Variants in DNAH5 observed in about 807,000 individuals in gnomAD.
DNAH5 encodes the protein dynein axonemal heavy chain 5.
Under a neutral mutation model 518.2 loss-of-function variants are expected in DNAH5, and 372 were observed. The ratio of observed to expected loss-of-function variants is 0.72; its 90% confidence interval spans 0.66 to 0.78. The LOEUF (loss-of-function observed/expected upper bound fraction) is 0.78, where lower values mean the gene tolerates loss of function less well. Ranked by LOEUF, DNAH5 falls within the 30% of genes least tolerant of loss-of-function variation. The pLI is 0.00. For missense variants in DNAH5, 5,523 were observed against 5,687.0 expected (o/e 0.97, Z 0.93); for synonymous variants, 2,039 against 2,025.9 (o/e 1.01, Z -0.17).
chr5:13,885,634 A>G (rs1268632381), intron 18 of DNAH5, among the ~76,000 whole-genome samples: 7 of 152,190 alleles, frequency 4.6e-5, no homozygotes, highest in Non-Finnish European at 1.0e-4. Context: ...CGCTCAGTCT[A>G]GAGGCTCTCC....
At chr5:14,010,523 TAAC>T (rs1785039321) in intron 1 of DNAH5, among the ~76,000 whole-genome samples, 1 of 152,268 alleles carries the variant, frequency 6.6e-6, no homozygotes, top group Admixed American at 6.5e-5. Context: ...GTATTAGAAG[TAAC>T]AATGTCACCT....
At position 13,901,415 on chromosome 5, in the gene DNAH5, G is replaced by T; in HGVS notation, c.1889C>A (p.Ala630Asp). 1 of 1,614,064 alleles carries T rather than the reference G, an allele frequency of 6.2e-7. No individual in the cohort carries two copies. Among genetic ancestry groups the T allele is most frequent in the South Asian group, 1.1e-5 (1 of 91,066 alleles). ...CTGAATCCTATGGAAGAGCTGGCGG[G>T]CCCACAAAATCTTTCCAGCGATGGG... ...QPPIAGKILW[A>D]RQLFHRIQQP... Residue 630 changes from alanine to aspartate, a missense_variant, in exon 14 of 79, where the codon GCC (alanine) becomes GAC (aspartate). Physicochemically the swap from Ala to Asp is moderately radical, Grantham distance 126. Transcript: ENST00000265104.
chr5:13,799,197 G>T (rs892658595), intron 47 of DNAH5, among the ~76,000 whole-genome samples: 1 of 114,936 alleles, frequency 8.7e-6, no homozygotes, highest in Non-Finnish European at 1.8e-5. Context: ...ATAGCAAAAA[G>T]AATTTCATAC....
intron 70 of DNAH5, among the ~76,000 whole-genome samples, chr5:13,724,206 T>C (rs1745422591): frequency 6.6e-6 from 1 of 152,264 alleles, no homozygotes; most frequent in South Asian, 2.1e-4. Flanking sequence ...CTCAAAGTTT[T>C]GGGAGCCCAT....
rs1767073058 is a variant in DNAH5 at position 13,852,791 on chromosome 5, AAGCTGCTGT to A, written c.4951-1985_4951-1977del. On this transcript the variant is annotated intron_variant, in intron 30 of 78. Coordinates refer to ENST00000265104, the MANE Select transcript of DNAH5 (RefSeq NM_001369.3). ...GGGCAGAGCCCACTGCAGCACCACA[AAGCTGCTGT>A]AGCCAGACTGCCTCTCTAGATTCCT... Among the ~76,000 whole-genome samples the A allele has an allele frequency of 2.0e-5, 3 of 152,288 alleles. No individual in the cohort carries two copies. The South Asian group carries it at 6.2e-4, about 32-fold the overall frequency.
intron 1 of DNAH5, among the ~76,000 whole-genome samples, chr5:13,986,618 A>G (rs566758102): frequency 2.0e-5 from 3 of 152,214 alleles, no homozygotes; most frequent in Non-Finnish European, 2.9e-5. Flanking sequence ...GTGTGCAGAG[A>G]TGAGAGCCCT....
intron 68 of DNAH5, 63 bp from the exon 69 acceptor site, chr5:13,729,623 T>A: frequency 7.1e-7 from 1 of 1,409,670 alleles, no homozygotes; most frequent in Non-Finnish European, 9.7e-7. Context: ...ATCTATTTAG[T>A]AAAATTTGTA....
chr5:13,905,376 A>T (rs1775161897), intron 12 of DNAH5, among the ~76,000 whole-genome samples: 1 of 152,114 alleles, frequency 6.6e-6, no homozygotes, highest in African/African-American at 2.4e-5. Context: ...TTGCTTTCTC[A>T]AGCTCTCTTG....
intron 71 of DNAH5, 79 bp downstream of exon 71, chr5:13,720,921 T>G: frequency 6.3e-7 from 1 of 1,596,026 alleles, no homozygotes; most frequent in Non-Finnish European, 8.6e-7. Context: ...TCCTAATGAT[T>G]TATATTTTTC....
At chr5:13,790,665 C>T (rs1756831698) in intron 50 of DNAH5, among the ~76,000 whole-genome samples, 1 of 152,180 alleles carries the variant, frequency 6.6e-6, no homozygotes, top group Non-Finnish European at 1.5e-5. Flanking sequence ...CTCCTTCTTG[C>T]TATCTTGTGA....
intron 75 of DNAH5, among the ~76,000 whole-genome samples, chr5:13,712,776 C>T (rs1210190038): frequency 6.6e-6 from 1 of 152,106 alleles, no homozygotes; most frequent in Non-Finnish European, 1.5e-5. Context: ...AACGCGACAA[C>T]AACTTACTCC....
At chr5:13,924,600 A>T (rs935669143) in intron 3 of DNAH5, among the ~76,000 whole-genome samples, 1 of 151,740 alleles carries the variant, frequency 6.6e-6, no homozygotes, top group African/African-American at 2.4e-5. Flanking sequence ...GCTTGAACCC[A>T]GGAGATGGAG....
intron 55 of DNAH5, among the ~76,000 whole-genome samples, chr5:13,774,958 TTGA>T: frequency 6.6e-6 from 1 of 152,330 alleles, no homozygotes; most frequent in East Asian, 1.9e-4. Context: ...TACTTGCATA[TTGA>T]TAACTGTATT....
At chr5:13,804,161 A>G (rs1430697671) in intron 47 of DNAH5, among the ~76,000 whole-genome samples, 1 of 152,208 alleles carries the variant, frequency 6.6e-6, no homozygotes, top group Non-Finnish European at 1.5e-5. Context: ...AAATTCCCTT[A>G]GCCAAAAAAT....
intron 78 of DNAH5, among the ~76,000 whole-genome samples, chr5:13,694,965 T>C (rs1029919163): frequency 2.0e-5 from 3 of 152,186 alleles, no homozygotes; most frequent in Middle Eastern, 3.2e-3. Context: ...ATTTTACAGA[T>C]TCAAAAACTG....
At chr5:13,994,788 A>C (rs2152077420) in intron 1 of DNAH5, among the ~76,000 whole-genome samples, 1 of 152,136 alleles carries the variant, frequency 6.6e-6, no homozygotes, top group Middle Eastern at 3.4e-3. Context: ...CTGCTCACCT[A>C]ATTTGTCTAC....
At chr5:13,980,485 C>G (rs961214448) in intron 1 of DNAH5, among the ~76,000 whole-genome samples, 12 of 152,164 alleles carry the variant, frequency 7.9e-5, no homozygotes, top group Admixed American at 7.9e-4. Context: ...GGTCTTCCCC[C>G]TCCTTCCATT....
At chr5:13,963,447 G>A (rs534426449) in intron 1 of DNAH5, among the ~76,000 whole-genome samples, 18 of 152,052 alleles carry the variant, frequency 1.2e-4, no homozygotes, top group East Asian at 9.8e-4. Flanking sequence ...GTGTGGTGGC[G>A]TGCACCTGTA....
intron 78 of DNAH5, among the ~76,000 whole-genome samples, chr5:13,699,557 TA>T (rs1368853091): frequency 4.6e-5 from 7 of 152,022 alleles, no homozygotes; most frequent in Admixed American, 4.6e-4. Flanking sequence ...CTAGTAAAAA[TA>T]CAAAAATTAG....
Sources: gnomAD v4.1 joint callset for allele counts (sites outside exome capture counted in the v4.1 genomes callset) on GRCh38, gnomAD v4.1.1 for gene constraint, MANE v1.5 for transcripts, NCBI Gene and HGNC (gene_info 2026-07-23, HGNC 2026-07-21) for gene names.